TLDC2: variants seen among roughly 807,000 people sequenced by gnomAD.
TLDC2 encodes TLD domain-containing protein 2.
In TLDC2, 23 loss-of-function variants were observed where a neutral mutation model predicts 27.9. The observed-to-expected ratio is 0.82, with a 90% CI of 0.59 to 1.17. The LOEUF (loss-of-function observed/expected upper bound fraction) is 1.17. TLDC2 is among the 50% of genes most tolerant of loss of function. TLDC2 has a pLI of 0.00. For synonymous variants in TLDC2, 124 were observed against 107.4 expected, an observed-to-expected ratio of 1.16 and a Z score of -0.96; for missense variants, 286 against 273.4, an observed-to-expected ratio of 1.05 and a Z score of -0.32.
Position 36,880,678 on chromosome 20 carries a change from G to A in TLDC2, c.366G>A (p.Ser122=), listed in dbSNP as rs780529747. 28 of 1,614,174 alleles carry A rather than the reference G, an allele frequency of 1.7e-5. No individual in the cohort carries two copies. Among genetic ancestry groups the A allele is most frequent in the African/African-American group, 6.7e-5 (5 of 75,046 alleles). The part of the protein sequence containing the change: ...DGQIFGAFSS[S]AIRLSKGFYG... ...AGATATTTGGAGCCTTCTCCTCCTC[G>A]GCTATCCGACTCAGCAAAGGCTTCT... The change falls in exon 4 of 7, where the codon TCG becomes TCA. Residue 122 remains serine (S), a synonymous_variant. Coordinates refer to ENST00000217320, the MANE Select transcript of TLDC2 (RefSeq NM_080628.3).
At chr20:36,880,223 A>G (rs1989783724) in intron 3 of TLDC2, among the ~76,000 whole-genome samples, 1 of 151,124 alleles carries the variant, frequency 6.6e-6, no homozygotes, top group Non-Finnish European at 1.5e-5. Context: ...CCTCCCAAGT[A>G]GCTGGAATTA....
chr20:36,880,874 G>A (rs1268557276), intron 4 of TLDC2, 124 bp downstream of exon 4: 2 of 874,150 alleles, frequency 2.3e-6, no homozygotes, highest in Admixed American at 2.0e-5. Context: ...TCTTCCCACA[G>A]GGGAATGAGC....
At chr20:36,879,495 A>C (rs1275582356) in intron 3 of TLDC2, among the ~76,000 whole-genome samples, 2 of 152,176 alleles carry the variant, frequency 1.3e-5, no homozygotes, top group Non-Finnish European at 2.9e-5. Flanking sequence ...TCAGACATTA[A>C]GCAAATAATC....
Position 36,893,161 on chromosome 20 carries a change from T to G in TLDC2, c.*317T>G, listed in dbSNP as rs1057261870. ...AGTCTCAAGTGCGCACATCCTCATC[T>G]TGCATATAGATTGCTTCTAGCTGTC... On this transcript the variant is annotated 3_prime_UTR_variant, in exon 7 of 7. Transcript: ENST00000217320. 2.0e-5 allele frequency: 30 copies of G among 1,470,578 alleles called. No homozygotes were observed. The highest frequency in any genetic ancestry group is 2.8e-5 in the Non-Finnish European group (30 of 1,064,792). The allele number at this position is 1,470,578 out of a possible 1,614,324, so 91.1% of individuals were successfully genotyped here.
At chr20:36,880,188 G>C (rs1010136302) in intron 3 of TLDC2, among the ~76,000 whole-genome samples, 1 of 149,468 alleles carries the variant, frequency 6.7e-6, no homozygotes, top group Non-Finnish European at 1.5e-5. Flanking sequence ...CCACCTCCCA[G>C]GTTCAAGCAA....
rs145364344 is a variant in TLDC2, at chr20:36,889,909, ATG to A, written c.*17+526_*17+527del. ...TATCCTTCCAGACAATGTTCCATGA[ATG>A]TGTGTGTGTGTGTGTGTGTATACTT... On this transcript the variant is annotated intron_variant, in intron 6 of 6. Transcript: ENST00000217320. 90 of 150,388 alleles carry A rather than the reference ATG, an allele frequency of 6.0e-4. No homozygotes were observed. In the East Asian group the frequency reaches 8.4e-3, roughly 14 times the overall value. The allele number at this position is 150,388 out of a possible 1,614,324, so 9.3% of individuals were successfully genotyped here.
At chr20:36,891,269 AG>A (rs1210940590) in intron 6 of TLDC2, 2 of 152,280 alleles carry the variant, frequency 1.3e-5, no homozygotes, top group Non-Finnish European at 2.9e-5. Flanking sequence ...AGACATTCCA[AG>A]TACTCTTCAC....
chr20:36,887,307 A>G (rs1989941513), intron 4 of TLDC2, 148 bp from the exon 5 acceptor site: 1 of 710,676 alleles, frequency 1.4e-6, no homozygotes, highest in Non-Finnish European at 2.6e-6. Context: ...AAACCCCAAG[A>G]TCCCTGAGCC....
At position 36,893,846 on chromosome 20, in the gene TLDC2, G is replaced by A; in HGVS notation, c.*1002G>A. 2.5e-6 allele frequency: 1 copy of A among 398,592 alleles called. No homozygotes were observed. The highest frequency in any genetic ancestry group is 4.4e-6 in the Non-Finnish European group (1 of 226,046). The allele number at this position is 398,592 out of a possible 1,614,324, so 24.7% of individuals were successfully genotyped here. On this transcript the variant is annotated 3_prime_UTR_variant, in exon 7 of 7. Transcript: ENST00000217320. ...CCTCTCCCTACTCTGTCTCACAGGA[G>A]CTACTCCGGTAAATTACATTTCTCA...
chr20:36,882,536 A>ATT (rs11086818), intron 4 of TLDC2, among the ~76,000 whole-genome samples: 1 of 151,844 alleles, frequency 6.6e-6, no homozygotes, highest in Non-Finnish European at 1.5e-5. Flanking sequence ...CTTAAAAAAA[A>ATT]TTTTTTTTTA....
intron 4 of TLDC2, among the ~76,000 whole-genome samples, chr20:36,883,223 A>C (rs1601098551): frequency 1.4e-5 from 2 of 146,844 alleles, no homozygotes; most frequent in African/African-American, 2.5e-5. Context: ...CACAACCTCC[A>C]CCTCCTGGGC....
At chr20:36,881,625 G>A (rs1419460496) in intron 4 of TLDC2, among the ~76,000 whole-genome samples, 1 of 152,212 alleles carries the variant, frequency 6.6e-6, no homozygotes, top group African/African-American at 2.4e-5. Flanking sequence ...GCCAGGGTTG[G>A]GGGTTTTGCC....
intron 1 of TLDC2, 31 bp from the exon 2 acceptor site, chr20:36,877,868 G>A: frequency 1.9e-6 from 3 of 1,599,800 alleles, no homozygotes; most frequent in African/African-American, 1.3e-5. Flanking sequence ...TCCTGTCCCT[G>A]GACACACCAG....
chr20:36,893,249 A>T lies in TLDC2; in HGVS notation c.*405A>T. ...GCTTGGGGCAAATTAGAAACACTAC[A>T]GTCTTACGCAGGAAGAGCCTTCATG... On this transcript the variant is annotated 3_prime_UTR_variant, in exon 7 of 7. Transcript: ENST00000217320. 1 of 683,628 alleles carries T rather than the reference A, an allele frequency of 1.5e-6. No individual in the cohort carries two copies. The highest frequency in any genetic ancestry group is 2.5e-6 in the Non-Finnish European group (1 of 403,148). 42.3% of individuals were successfully genotyped at this position (683,628 alleles called of 1,614,324 possible).
At chr20:36,878,307 G>C (rs775944598) in intron 2 of TLDC2, among the ~76,000 whole-genome samples, 13 of 152,194 alleles carry the variant, frequency 8.5e-5, no homozygotes, top group Non-Finnish European at 2.9e-5. Context: ...TAGGACGGGC[G>C]CGGTGGCTCA....
intron 1 of TLDC2, among the ~76,000 whole-genome samples, chr20:36,877,244 G>A (rs1440005279): frequency 2.0e-5 from 3 of 152,014 alleles, no homozygotes; most frequent in African/African-American, 7.3e-5. Context: ...AGCCAGGCAT[G>A]GTGGTGGGCA....
intron 4 of TLDC2, among the ~76,000 whole-genome samples, chr20:36,882,663 G>C (rs1291130): frequency 0.47 from 71,517 of 152,006 alleles, 18,566 homozygotes; most frequent in South Asian, 0.65. Context: ...TCATGACAGG[G>C]AGTTCACAAG....
chr20:36,892,817 C>T (rs1387421198), intron 6 of TLDC2, 45 bp from the exon 7 acceptor site: 2 of 1,347,810 alleles, frequency 1.5e-6, no homozygotes, highest in Non-Finnish European at 2.1e-6. Context: ...CATGCGTGTA[C>T]ATTCAAAATA....
chr20:36,884,402 C>T (rs1219600879), intron 4 of TLDC2, among the ~76,000 whole-genome samples: 2 of 152,160 alleles, frequency 1.3e-5, no homozygotes, highest in Non-Finnish European at 2.9e-5. Flanking sequence ...TCAATTCCCA[C>T]CTCCTTCTAT....
Sources: allele counts gnomAD v4.1 joint callset (sites outside exome capture counted in the v4.1 genomes callset), GRCh38; gene constraint gnomAD v4.1.1; transcripts MANE v1.5; gene names NCBI Gene and HGNC (gene_info 2026-07-23, HGNC 2026-07-21).